Variants in ENOX1 observed in about 807,000 individuals in gnomAD.
The protein encoded by ENOX1 is ecto-NOX disulfide-thiol exchanger 1.
A neutral mutation model predicts 82.5 loss-of-function variants in ENOX1; 42 were observed. The observed-to-expected ratio is 0.51, with a 90% confidence interval of 0.40 to 0.66. The LOEUF (loss-of-function observed/expected upper bound fraction) is 0.66, where lower values mean the gene tolerates loss of function less well. ENOX1 is among the 30% of genes least tolerant of loss of function. ENOX1 has a pLI of 0.00. For missense variants in ENOX1, 608 were observed against 811.6 expected, an observed-to-expected ratio of 0.75 and a Z score of 3.05; for synonymous variants, 271 against 282.2, an observed-to-expected ratio of 0.96 and a Z score of 0.40.
chr13:43,535,253 TACAA>T (rs1227266463), intron 2 of ENOX1, among the ~76,000 whole-genome samples: 1 of 152,168 alleles, frequency 6.6e-6, no homozygotes, highest in Admixed American at 6.5e-5. Flanking sequence ...TGTTTAGAAA[TACAA>T]ACACATTTTC....
intron 15 of ENOX1, among the ~76,000 whole-genome samples, chr13:43,231,294 A>G (rs2042268000): frequency 6.6e-6 from 1 of 152,216 alleles, no homozygotes; most frequent in African/African-American, 2.4e-5. Flanking sequence ...TGGGTCTCCT[A>G]GTAAGCCCTG....
rs554067845 is a variant in ENOX1 at position 43,486,067 on chromosome 13, G to A, written c.-218-1915C>T. ...CTACTAAAAACACAAAAAATTAGCC[G>A]GGCATGGTGGCGGGTGCCTGTAGTC... On this transcript the variant is annotated intron_variant, in intron 2 of 16. Transcript: ENST00000690772. 2.1e-4 allele frequency among the ~76,000 whole-genome samples: 32 copies of A among 152,240 alleles called. 1 individual carries two copies. In the South Asian group the frequency reaches 3.9e-3, roughly 19 times the overall value.
In ENOX1 at chr13:43,762,881, G is replaced by T. The variant is rs58402788; in HGVS notation, c.-285+23771C>A. Among the ~76,000 whole-genome samples the T allele has an allele frequency of 1.3e-3, 202 of 152,320 alleles. 1 individual carries two copies. Among genetic ancestry groups the T allele is most frequent in the African/African-American group, 4.8e-3 (198 of 41,576 alleles). ...TTAATGTAATTAGAAAGGTGTCTAAGTGATTCAATCCGTTCTCAATTAGCC... is the reference window on the plus strand; with the variant it reads ...TTAATGTAATTAGAAAGGTGTCTAATTGATTCAATCCGTTCTCAATTAGCC... On this transcript the variant is annotated intron_variant, in intron 1 of 16. Coordinates refer to ENST00000690772, the MANE Select transcript of ENOX1 (RefSeq NM_001347969.2).
chr13:43,407,181 GT>G (rs1302857378), intron 5 of ENOX1, among the ~76,000 whole-genome samples: 6 of 152,212 alleles, frequency 3.9e-5, no homozygotes, highest in African/African-American at 1.4e-4. Flanking sequence ...GACACCAGAG[GT>G]GGGGCCTTCT....
intron 6 of ENOX1, 96 bp from the exon 7 acceptor site, chr13:43,360,153 A>G: frequency 9.1e-7 from 1 of 1,099,614 alleles, no homozygotes; most frequent in Non-Finnish European, 1.3e-6. Context: ...AACTTTCTCC[A>G]GACTGAGTGA....
chr13:43,403,559 C>T (rs536790946), intron 5 of ENOX1, among the ~76,000 whole-genome samples: 1 of 152,126 alleles, frequency 6.6e-6, no homozygotes, highest in Non-Finnish European at 1.5e-5. Context: ...ATACTGTAGA[C>T]AGGCTGGGTG....
intron 2 of ENOX1, among the ~76,000 whole-genome samples, chr13:43,506,796 T>C (rs1336180283): frequency 6.4e-4 from 87 of 136,666 alleles, no homozygotes; most frequent in Admixed American, 4.5e-4. Flanking sequence ...TGAGAACACA[T>C]GGACACAGGA....
chr13:43,518,904 A>G (rs1046897115), intron 2 of ENOX1, among the ~76,000 whole-genome samples: 63 of 152,190 alleles, frequency 4.1e-4, no homozygotes, highest in African/African-American at 1.4e-3. Context: ...TAAATTACAG[A>G]AAGTAAAAAC....
At chr13:43,265,213 T>C (rs1413556425) in intron 14 of ENOX1, among the ~76,000 whole-genome samples, 185 bp downstream of exon 14, 1 of 152,248 alleles carries the variant, frequency 6.6e-6, no homozygotes, top group Non-Finnish European at 1.5e-5. Flanking sequence ...AATTGACATT[T>C]GATAAACTAG....
chr13:43,471,185 A>G (rs1285822722), intron 3 of ENOX1, among the ~76,000 whole-genome samples: 2 of 152,190 alleles, frequency 1.3e-5, no homozygotes, highest in Non-Finnish European at 2.9e-5. Flanking sequence ...TGATCTCAAA[A>G]ACATTATGCT....
chr13:43,687,333 G>A (rs1325698354), intron 1 of ENOX1, among the ~76,000 whole-genome samples: 1 of 152,212 alleles, frequency 6.6e-6, no homozygotes, highest in Non-Finnish European at 1.5e-5. Flanking sequence ...GAAAATGGCT[G>A]ACACAGTCAT....
chr13:43,280,168 C>A (rs1337302185), intron 12 of ENOX1, among the ~76,000 whole-genome samples: 2 of 152,228 alleles, frequency 1.3e-5, no homozygotes. Context: ...CCATTTACTT[C>A]AATCAAATAA....
intron 1 of ENOX1, among the ~76,000 whole-genome samples, chr13:43,716,720 A>C (rs2088161674): frequency 6.6e-6 from 1 of 152,092 alleles, no homozygotes. Flanking sequence ...AATCAGTAGC[A>C]GTCCTATACA....
chr13:43,218,238 G>T (rs1256942858), intron 16 of ENOX1, among the ~76,000 whole-genome samples: 2 of 152,156 alleles, frequency 1.3e-5, no homozygotes, highest in Non-Finnish European at 2.9e-5. Context: ...TATAACAGCT[G>T]GGTTCTGCCA....
chr13:43,723,087 G>C (rs763629186), intron 1 of ENOX1, among the ~76,000 whole-genome samples: 5 of 152,166 alleles, frequency 3.3e-5, no homozygotes, highest in Non-Finnish European at 7.4e-5. Flanking sequence ...AGGGGCTCTA[G>C]AGCTCTCTCT....
chr13:43,746,624 C>T (rs966487617), intron 1 of ENOX1, among the ~76,000 whole-genome samples: 1 of 151,886 alleles, frequency 6.6e-6, no homozygotes, highest in Admixed American at 6.6e-5. Context: ...CAACAGATCA[C>T]TGTTCATCCA....
At chr13:43,752,079 T>G (rs1286456817) in intron 1 of ENOX1, among the ~76,000 whole-genome samples, 2 of 152,210 alleles carry the variant, frequency 1.3e-5, no homozygotes, top group Non-Finnish European at 2.9e-5. Flanking sequence ...CATTCTACTA[T>G]GTCTATTGTT....
At chr13:43,220,627 A>C (rs2041736301) in intron 16 of ENOX1, among the ~76,000 whole-genome samples, 2 of 152,128 alleles carry the variant, frequency 1.3e-5, no homozygotes, top group South Asian at 4.1e-4. Flanking sequence ...GTCCCTGGTA[A>C]CCTTACCAAC....
chr13:43,389,851 A>C (rs1276571236), intron 5 of ENOX1, among the ~76,000 whole-genome samples: 1 of 152,210 alleles, frequency 6.6e-6, no homozygotes, highest in African/African-American at 2.4e-5. Flanking sequence ...CCAAGACAGT[A>C]GGGTCTACGG....
Sources: gnomAD v4.1 joint callset for allele counts (sites outside exome capture counted in the v4.1 genomes callset) on GRCh38, gnomAD v4.1.1 for gene constraint, MANE v1.5 for transcripts, NCBI Gene and HGNC (gene_info 2026-07-23, HGNC 2026-07-21) for gene names.